Variants in HPSE2 observed in about 807,000 individuals in gnomAD.
HPSE2 encodes inactive heparanase-2.
In HPSE2, 38 loss-of-function variants were observed where a neutral mutation model predicts 60.5. That is an observed-to-expected ratio of 0.63 (90% CI 0.48 to 0.82). HPSE2 has a LOEUF of 0.82. HPSE2 is among the 40% of genes least tolerant of loss of function. The pLI, the probability that HPSE2 is intolerant of heterozygous loss-of-function variation, is 0.00. For missense variants in HPSE2, 713 were observed against 740.4 expected (o/e 0.96, Z 0.43); for synonymous variants, 295 against 293.2 (o/e 1.01, Z -0.06).
At chr10:98,620,165 A>G (rs595350) in intron 8 of HPSE2, among the ~76,000 whole-genome samples, 148,331 of 152,308 alleles carry the variant, frequency 0.97, 72,327 homozygotes, top group East Asian at 1. Flanking sequence ...TGATTACTAC[A>G]GCACTTACCT....
intron 3 of HPSE2, among the ~76,000 whole-genome samples, chr10:99,137,549 T>C (rs1156289512): frequency 1.3e-5 from 2 of 152,118 alleles, no homozygotes; most frequent in Non-Finnish European, 2.9e-5. Context: ...AACAGATATA[T>C]AGACCAATGG....
chr10:98,548,651 T>C (rs938875977), intron 9 of HPSE2, among the ~76,000 whole-genome samples: 26 of 151,450 alleles, frequency 1.7e-4, no homozygotes, highest in African/African-American at 6.3e-4. Flanking sequence ...GATGAATGTG[T>C]ACTGTTTTCA....
Position 98,698,069 on chromosome 10 carries a change from T to C in HPSE2, c.957-4122A>G, listed in dbSNP as rs1212073819. Among the ~76,000 whole-genome samples the C allele has an allele frequency of 4.1e-5, 6 of 145,942 alleles. No homozygotes were observed. The East Asian group carries it at 1.2e-3, about 29-fold the overall frequency. On this transcript the variant is annotated intron_variant, in intron 5 of 11. Coordinates refer to ENST00000370552, the MANE Select transcript of HPSE2 (RefSeq NM_021828.5). ...GACTTTAACACCCCACTGTCAACATTAGACAGATCAACGAGACAGAAAGTT... is the reference window on the plus strand; with the variant it reads ...GACTTTAACACCCCACTGTCAACATCAGACAGATCAACGAGACAGAAAGTT...
At chr10:99,180,486 A>G (rs1332025185) in intron 2 of HPSE2, among the ~76,000 whole-genome samples, 1 of 152,244 alleles carries the variant, frequency 6.6e-6, no homozygotes, top group Non-Finnish European at 1.5e-5. Flanking sequence ...TTATGCAGCC[A>G]ACAAACATAT....
intron 7 of HPSE2, among the ~76,000 whole-genome samples, chr10:98,629,881 A>G (rs1296557997): frequency 6.6e-6 from 1 of 152,260 alleles, no homozygotes; most frequent in Non-Finnish European, 1.5e-5. Context: ...TGTCATAACA[A>G]TATTTCGCCA....
chr10:98,926,703 T>C (rs1045641316), intron 3 of HPSE2, among the ~76,000 whole-genome samples: 2 of 152,094 alleles, frequency 1.3e-5, no homozygotes, highest in Non-Finnish European at 2.9e-5. Flanking sequence ...GCCCACAAGG[T>C]AAAAAAATTT....
the HPSE2 span, among the ~76,000 whole-genome samples, chr10:99,309,058 A>C: frequency 6.6e-6 from 1 of 152,196 alleles, no homozygotes; most frequent in Admixed American, 6.5e-5. Flanking sequence ...AAAAGGGTTA[A>C]GTGAAAGAGG....
At chr10:98,716,186 C>T (rs1285604187) in intron 5 of HPSE2, among the ~76,000 whole-genome samples, 2 of 151,906 alleles carry the variant, frequency 1.3e-5, no homozygotes, top group Non-Finnish European at 1.5e-5. Flanking sequence ...TTGCAACAAT[C>T]GAGTCACATT....
intron 6 of HPSE2, among the ~76,000 whole-genome samples, chr10:98,651,797 G>T (rs1262562536): frequency 6.6e-6 from 1 of 150,660 alleles, no homozygotes; most frequent in Non-Finnish European, 1.5e-5. Context: ...TCTTGAGATG[G>T]AGTCTCGCTC....
chr10:98,673,772 G>A (rs1475355894), intron 6 of HPSE2, among the ~76,000 whole-genome samples: 1 of 151,956 alleles, frequency 6.6e-6, no homozygotes, highest in East Asian at 1.9e-4. Context: ...AAGGTGCAGG[G>A]GAAAAAGCAT....
chr10:98,715,947 T>C (rs962724331), intron 5 of HPSE2, among the ~76,000 whole-genome samples: 5 of 152,058 alleles, frequency 3.3e-5, no homozygotes, highest in Non-Finnish European at 7.4e-5. Flanking sequence ...TAGCATTCAA[T>C]GCTGTTTGAT....
intron 9 of HPSE2, among the ~76,000 whole-genome samples, chr10:98,526,030 C>T (rs1233822915): frequency 1.3e-5 from 2 of 152,214 alleles, no homozygotes; most frequent in Non-Finnish European, 2.9e-5. Context: ...CCTCGTTACT[C>T]TGTAGAACAG....
At chr10:99,080,230 T>G (rs746653287) in intron 3 of HPSE2, among the ~76,000 whole-genome samples, 33 of 152,194 alleles carry the variant, frequency 2.2e-4, no homozygotes, top group Non-Finnish European at 4.4e-4. Flanking sequence ...CTGTTTGAGT[T>G]TTAAGTTGTT....
chr10:98,940,052 A>G (rs1257804491), intron 3 of HPSE2, among the ~76,000 whole-genome samples: 1 of 143,780 alleles, frequency 7.0e-6, no homozygotes, highest in Non-Finnish European at 1.5e-5. Context: ...AAGACACAAC[A>G]TACCAGAATC....
chr10:98,876,875 A>G lies in HPSE2; in HGVS notation c.611-132819T>C, dbSNP rs138959138. On this transcript the variant is annotated intron_variant, in intron 3 of 11. Transcript: ENST00000370552. ...TACTTTTCTATGAATTCCAAGTTCT[A>G]TTCTCAGACCAGATAAAACCAATAG... is the stretch of plus-strand genomic sequence containing the variant. 1.4e-4 allele frequency among the ~76,000 whole-genome samples: 22 copies of G among 152,048 alleles called. No individual in the cohort carries two copies. The East Asian group carries it at 4.3e-3, about 29-fold the overall frequency.
chr10:99,201,070 T>C (rs933169198), intron 2 of HPSE2, among the ~76,000 whole-genome samples: 7 of 152,198 alleles, frequency 4.6e-5, no homozygotes, highest in Admixed American at 2.0e-4. Context: ...TAATCTGCAC[T>C]GAATTTTTGA....
chr10:99,074,178 T>C (rs980724316), intron 3 of HPSE2, among the ~76,000 whole-genome samples: 3 of 152,188 alleles, frequency 2.0e-5, no homozygotes, highest in Non-Finnish European at 4.4e-5. Flanking sequence ...TTAAATATAA[T>C]GTTAAATGTG....
chr10:98,846,474 T>C (rs1210513870), intron 3 of HPSE2, among the ~76,000 whole-genome samples: 2 of 152,210 alleles, frequency 1.3e-5, no homozygotes, highest in Non-Finnish European at 1.5e-5. Flanking sequence ...CTTTGCTACA[T>C]ATCTCCTCTG....
chr10:98,728,738 T>C (rs1403730735), intron 4 of HPSE2, among the ~76,000 whole-genome samples: 1 of 152,184 alleles, frequency 6.6e-6, no homozygotes, highest in Non-Finnish European at 1.5e-5. Flanking sequence ...GTGGGTGTGG[T>C]GGCTCATGCC....
Sources: gnomAD v4.1 joint callset for allele counts (sites outside exome capture counted in the v4.1 genomes callset) on GRCh38, gnomAD v4.1.1 for gene constraint, MANE v1.5 for transcripts, NCBI Gene and HGNC (gene_info 2026-07-23, HGNC 2026-07-21) for gene names.